The following OLA1 variants were observed in gnomAD, a reference collection of about 807,000 sequenced individuals.
OLA1 encodes Obg like ATPase 1.
Under a neutral mutation model 48.4 loss-of-function variants are expected in OLA1, and 14 were observed. The ratio of observed to expected loss-of-function variants is 0.29; its 90% CI spans 0.19 to 0.45. The LOEUF is 0.45. OLA1 is among the 20% of genes least tolerant of loss of function. The pLI, the probability that OLA1 is intolerant of heterozygous loss-of-function variation, is 1.00. For missense variants in OLA1, 325 were observed against 467.1 expected (o/e 0.70, Z 2.80); for synonymous variants, 127 against 150.4 (o/e 0.84, Z 1.14).
At chr2:174,113,737 T>C (rs1048128833) in intron 7 of OLA1, among the ~76,000 whole-genome samples, 9 of 152,182 alleles carry the variant, frequency 5.9e-5, no homozygotes, top group Non-Finnish European at 1.3e-4. Flanking sequence ...TTTTCAAAGA[T>C]TTCTGGAGAT....
intron 4 of OLA1, among the ~76,000 whole-genome samples, chr2:174,144,812 G>GAAAAAAAAAAAAAAAAAATA (rs1686540230): frequency 6.7e-6 from 1 of 150,358 alleles, no homozygotes; most frequent in Admixed American, 6.6e-5. Flanking sequence ...GCCACGCATG[G>GAAAAAAAAAAAAAAAAAATA]TGGTGCACGC....
chr2:174,188,371 A>AAATAAT (rs34087383), intron 4 of OLA1, among the ~76,000 whole-genome samples: 1,963 of 149,298 alleles, frequency 0.013, 36 homozygotes, highest in African/African-American at 0.035. Context: ...TTCCTCCTAA[A>AAATAAT]AATAATAATA....
chr2:174,088,012 T>C (rs1013692678), intron 7 of OLA1, among the ~76,000 whole-genome samples: 1 of 152,244 alleles, frequency 6.6e-6, no homozygotes, highest in Non-Finnish European at 1.5e-5. Flanking sequence ...CTGTTTGAAC[T>C]TACATCTTCA....
intron 5 of OLA1, among the ~76,000 whole-genome samples, chr2:174,136,545 C>G (rs1686313535): frequency 6.6e-6 from 1 of 152,138 alleles, no homozygotes; most frequent in South Asian, 2.1e-4. Flanking sequence ...CTGTTTCCAC[C>G]ACATCTGCAG....
Position 174,137,298 on chromosome 2 carries a change from A to G in OLA1, c.549+4527T>C, listed in dbSNP as rs150731920. On this transcript the variant is annotated intron_variant, in intron 5 of 10. Coordinates refer to ENST00000284719, the MANE Select transcript of OLA1 (RefSeq NM_013341.5). ...TAGGTCTCAAGAGTGGGCTTAAAAT[A>G]TTCAGTGAACCATGCTGTAAACAGA... 8.0e-3 allele frequency among the ~76,000 whole-genome samples: 1,214 copies of G among 152,334 alleles called. 18 individuals are homozygous for G. Among genetic ancestry groups the G allele is most frequent in the African/African-American group, 0.028 (1,144 of 41,576 alleles).
At position 174,188,371 on chromosome 2, in the gene OLA1, A is replaced by AAATAATAAT. The variant is rs34087383; in HGVS notation, c.373+34653_373+34661dup. Among the ~76,000 whole-genome samples the AAATAATAAT allele has an allele frequency of 5.1e-3, 759 of 149,322 alleles. 8 individuals carry two copies. The Middle Eastern group carries it at 0.056, about 11-fold the overall frequency. On this transcript the variant is annotated intron_variant, in intron 4 of 10. Transcript: ENST00000284719. ...GCCTCTAATGTTTCTTTCCTCCTAAAAATAATAATAATAATAATAATAATA... is the reference window on the plus strand; with the variant it reads ...GCCTCTAATGTTTCTTTCCTCCTAAAAATAATAATAATAATAATAATAATAATAATAATA...
intron 3 of OLA1, among the ~76,000 whole-genome samples, chr2:174,224,628 T>A (rs949833032): frequency 3.0e-4 from 45 of 151,842 alleles, no homozygotes; most frequent in African/African-American, 9.7e-4. Context: ...AAAAAAGACA[T>A]GAAAAGACTT....
intron 4 of OLA1, among the ~76,000 whole-genome samples, chr2:174,181,609 A>G (rs1361098667): frequency 6.6e-6 from 1 of 151,898 alleles, no homozygotes; most frequent in African/African-American, 2.4e-5. Flanking sequence ...ATCAGAGGGA[A>G]AGGTAGAGTA....
At chr2:174,188,528 C>T (rs1488657286) in intron 4 of OLA1, among the ~76,000 whole-genome samples, 1 of 152,080 alleles carries the variant, frequency 6.6e-6, no homozygotes, top group Non-Finnish European at 1.5e-5. Flanking sequence ...TGCTGAGTTA[C>T]CCTGAACACA....
At chr2:174,086,376 G>T (rs905405130) in intron 7 of OLA1, among the ~76,000 whole-genome samples, 1 of 152,020 alleles carries the variant, frequency 6.6e-6, no homozygotes, top group Non-Finnish European at 1.5e-5. Flanking sequence ...GGACACTAAA[G>T]CCTCTAAACC....
At position 174,189,533 on chromosome 2, in the gene OLA1, C is replaced by T. The variant is rs142935142; in HGVS notation, c.373+33500G>A. ...TAGCTCTTAAATATGAAGAGATGTT[C>T]GGTCTCACTCACTCATAATGAGAAA... On this transcript the variant is annotated intron_variant, in intron 4 of 10. Coordinates refer to ENST00000284719, the MANE Select transcript of OLA1 (RefSeq NM_013341.5). 5.2e-3 allele frequency among the ~76,000 whole-genome samples: 786 copies of T among 152,216 alleles called. 4 individuals carry two copies. The highest frequency in any genetic ancestry group is 0.018 in the African/African-American group (761 of 41,554).
At chr2:174,225,878 C>A (rs1373867458) in intron 3 of OLA1, among the ~76,000 whole-genome samples, 3 of 152,120 alleles carry the variant, frequency 2.0e-5, no homozygotes, top group Admixed American at 2.0e-4. Flanking sequence ...ATATTCAGCT[C>A]TGAGATTCTA....
chr2:174,102,648 G>A (rs1558954519), intron 7 of OLA1, among the ~76,000 whole-genome samples: 1 of 152,046 alleles, frequency 6.6e-6, no homozygotes, highest in Non-Finnish European at 1.5e-5. Flanking sequence ...TCGAATAAGG[G>A]AAATCTGCAG....
At chr2:174,096,015 G>C (rs1685246896) in intron 7 of OLA1, among the ~76,000 whole-genome samples, 1 of 152,110 alleles carries the variant, frequency 6.6e-6, no homozygotes, top group South Asian at 2.1e-4. Context: ...CAAAACCACA[G>C]TGAGATACCA....
chr2:174,099,180 G>T (rs550503564), intron 7 of OLA1, among the ~76,000 whole-genome samples: 1 of 150,426 alleles, frequency 6.6e-6, no homozygotes, highest in Non-Finnish European at 1.5e-5. Context: ...TTTTTGAGAC[G>T]GAGTCTCGCT....
intron 4 of OLA1, among the ~76,000 whole-genome samples, chr2:174,214,566 C>T (rs961539621): frequency 3.9e-5 from 6 of 152,104 alleles, no homozygotes; most frequent in Non-Finnish European, 5.9e-5. Context: ...CACTACACCA[C>T]GTACCAAAAG....
At chr2:174,176,594 G>T (rs559137658) in intron 4 of OLA1, among the ~76,000 whole-genome samples, 189 of 152,136 alleles carry the variant, frequency 1.2e-3, no homozygotes, top group Non-Finnish European at 2.4e-3. Context: ...ATGACCAGGG[G>T]CTTTTCTAAA....
At chr2:174,102,907 G>T (rs1685428926) in intron 7 of OLA1, among the ~76,000 whole-genome samples, 3 of 152,086 alleles carry the variant, frequency 2.0e-5, no homozygotes, top group Admixed American at 2.0e-4. Context: ...CTTTTCAAAT[G>T]ATATTTTTTC....
chr2:174,187,417 C>A (rs1463226409), intron 4 of OLA1, among the ~76,000 whole-genome samples: 1 of 152,182 alleles, frequency 6.6e-6, no homozygotes, highest in East Asian at 1.9e-4. Flanking sequence ...CTGTGAGAGC[C>A]AAAAGCTTGC....
Sources: allele counts gnomAD v4.1 joint callset (sites outside exome capture counted in the v4.1 genomes callset), GRCh38; gene constraint gnomAD v4.1.1; transcripts MANE v1.5; gene names NCBI Gene and HGNC (gene_info 2026-07-23, HGNC 2026-07-21).